The following DNAH8 variants were observed in gnomAD, a reference collection of about 807,000 sequenced individuals.
DNAH8 encodes dynein axonemal heavy chain 8.
DNAH8 carries 382 observed loss-of-function variants against 562.1 expected under a neutral mutation model. That is an observed-to-expected ratio of 0.68 (90% CI 0.63 to 0.74). The LOEUF is 0.74. Among genes scored for constraint, DNAH8 ranks in the 30% least tolerant of loss-of-function variants. The pLI is 0.00. For missense variants in DNAH8, 5,203 were observed against 5,620.4 expected (o/e 0.93, Z 2.37); for synonymous variants, 1,881 against 1,919.4 (o/e 0.98, Z 0.52).
At position 38,974,518 on chromosome 6, in the gene DNAH8, T is replaced by C; in HGVS notation, c.12823T>C (p.Ser4275Pro). The change falls in exon 85 of 93, where the codon TCC becomes CCC. Residue 4275 changes from serine to proline, a missense_variant. Ser to Pro is a moderately conservative substitution (Grantham distance 74). This residue lies in a region of DNAH8 where 1,399 missense variants were observed against 1,518.4 expected (regional missense o/e 0.92). Transcript: ENST00000327475. ...PMLYTVAFLH[S>P]TVQERRKFGP... ...GCTTTACACAGTAGCATTTTTACAC[T>C]CCACTGTGCAGGTAACTGCAGAAAG... 2 of 1,613,654 alleles carry C rather than the reference T, an allele frequency of 1.2e-6. No homozygotes were observed. The highest frequency in any genetic ancestry group is 8.5e-7 in the Non-Finnish European group (1 of 1,179,752).
chr6:38,826,404 T>G lies in DNAH8; in HGVS notation c.4083+13T>G. On this transcript the variant is annotated intron_variant, in intron 29 of 92. Transcript: ENST00000327475. ...GGGACCAATTGAAGTAAGAAATGATTGCATTTTTTTTTCTTGGAATGCTTT... is the reference window on the plus strand; with the variant it reads ...GGGACCAATTGAAGTAAGAAATGATGGCATTTTTTTTTCTTGGAATGCTTT... The G allele has an allele frequency of 1.3e-6, 2 of 1,528,668 alleles. No individual in the cohort carries two copies. Among genetic ancestry groups the G allele is most frequent in the Non-Finnish European group, 1.8e-6 (2 of 1,126,524 alleles). 94.7% of individuals were successfully genotyped at this position (1,528,668 alleles called of 1,614,324 possible). A position where few individuals can be genotyped will look rare whatever the true frequency, so the allele number is the denominator to read the frequency against.
At position 38,925,431 on chromosome 6, in the gene DNAH8, G is replaced by C. The variant is rs535554343; in HGVS notation, c.10963-624G>C. On this transcript the variant is annotated intron_variant, in intron 73 of 92. Coordinates refer to ENST00000327475, the MANE Select transcript of DNAH8 (RefSeq NM_001206927.2). ...GCTCACAGCAGCCTCAAATTCCTGGGCTCAAGTGACCCTCCCAGACTCCCA... is the reference window on the plus strand; with the variant it reads ...GCTCACAGCAGCCTCAAATTCCTGGCCTCAAGTGACCCTCCCAGACTCCCA... Among the ~76,000 whole-genome samples the C allele has an allele frequency of 2.1e-4, 32 of 151,780 alleles. No homozygotes were observed. The South Asian group carries it at 4.0e-3, about 19-fold the overall frequency.
intron 47 of DNAH8, among the ~76,000 whole-genome samples, 160 bp downstream of exon 47, chr6:38,867,036 C>A (rs1037803735): frequency 2.6e-5 from 4 of 152,060 alleles, no homozygotes; most frequent in Admixed American, 2.0e-4. Context: ...ATTTTTAAGA[C>A]CCTTTTATTT....
intron 88 of DNAH8, among the ~76,000 whole-genome samples, chr6:39,006,707 C>A (rs1050322777): frequency 6.6e-6 from 1 of 152,156 alleles, no homozygotes; most frequent in African/African-American, 2.4e-5. Context: ...TTCCAAATTG[C>A]ACAGGTAATA....
At chr6:38,813,335 G>A (rs1027959922) in intron 24 of DNAH8, among the ~76,000 whole-genome samples, 8 of 152,108 alleles carry the variant, frequency 5.3e-5, no homozygotes, top group African/African-American at 1.7e-4. Flanking sequence ...GGAACCATTG[G>A]CCCTGAGTGC....
intron 20 of DNAH8, 124 bp downstream of exon 20, chr6:38,790,529 A>G (rs1009129746): frequency 1.9e-6 from 1 of 517,326 alleles, no homozygotes; most frequent in Non-Finnish European, 3.3e-6. Context: ...TTAGGTTTAA[A>G]ATATCATGTT....
chr6:39,024,670 A>G (rs371354952), intron 91 of DNAH8, among the ~76,000 whole-genome samples: 30 of 152,290 alleles, frequency 2.0e-4, no homozygotes, highest in African/African-American at 7.2e-4. Flanking sequence ...CTAAAATAAT[A>G]AAAAAGGAAG....
rs756764956 is a variant in DNAH8, at chr6:38,898,340, A to T, written c.9023A>T (p.Asp3008Val). ...GAAATCATTAGAGGAACATCTCTTG[A>T]TCTGGTGTTTTTTAAAGATGCAATG... ...FNEIIRGTSL[D>V]LVFFKDAMTH... The change falls in exon 61 of 93, where the codon GAT becomes GTT. Residue 3008 changes from aspartate to valine, a missense_variant. By Grantham distance (152) the Asp-to-Val change is radical (BLOSUM62 -3). This residue lies in a region of DNAH8 where 977 missense variants were observed against 1,061.8 expected (regional missense o/e 0.92). Transcript: ENST00000327475. 1 of 1,586,276 alleles carries T rather than the reference A, an allele frequency of 6.3e-7. No individual in the cohort carries two copies. Among genetic ancestry groups the T allele is most frequent in the East Asian group, 2.3e-5 (1 of 43,438 alleles).
intron 88 of DNAH8, among the ~76,000 whole-genome samples, chr6:38,999,516 A>C (rs1257751823): frequency 2.0e-5 from 3 of 152,060 alleles, no homozygotes. Flanking sequence ...GCATTGATAA[A>C]ATAATAAGAA....
At chr6:38,938,285 C>G (rs951773212) in intron 78 of DNAH8, 59 bp downstream of exon 78, 3 of 1,546,770 alleles carry the variant, frequency 1.9e-6, no homozygotes, top group Non-Finnish European at 2.6e-6. Context: ...TGTATTTCTA[C>G]TCTTTTAGAA....
intron 52 of DNAH8, among the ~76,000 whole-genome samples, chr6:38,874,068 T>TTCTTTCTTTCTCTTTC (rs377254876): frequency 1.8e-5 from 1 of 57,062 alleles, no homozygotes; most frequent in Non-Finnish European, 3.5e-5. Flanking sequence ...CTTTCTTTCT[T>TTCTTTCTTTCTCTTTC]TTTCTTTCTT....
At chr6:38,765,125 T>C (rs1766878620) in intron 11 of DNAH8, among the ~76,000 whole-genome samples, 1 of 152,224 alleles carries the variant, frequency 6.6e-6, no homozygotes, top group South Asian at 2.1e-4. Flanking sequence ...CGTAAGCCAC[T>C]GCGCCTGGCC....
intron 49 of DNAH8, 145 bp from the exon 50 acceptor site, chr6:38,872,389 TAA>T: frequency 1.2e-6 from 1 of 835,898 alleles, no homozygotes; most frequent in Non-Finnish European, 1.8e-6. Context: ...GCACATCTAG[TAA>T]AACAACATTT....
intron 48 of DNAH8, among the ~76,000 whole-genome samples, chr6:38,869,041 C>A (rs547869149): frequency 6.6e-6 from 1 of 152,118 alleles, no homozygotes; most frequent in African/African-American, 2.4e-5. Flanking sequence ...TTCTACATGC[C>A]ACATATTGTG....
intron 87 of DNAH8, among the ~76,000 whole-genome samples, chr6:38,985,294 T>C (rs1485725297): frequency 2.0e-5 from 3 of 152,224 alleles, no homozygotes; most frequent in African/African-American, 7.2e-5. Context: ...AAGTAATATA[T>C]AACACCTAAG....
chr6:38,979,851 T>G (rs1275055409), intron 85 of DNAH8, among the ~76,000 whole-genome samples: 1 of 152,210 alleles, frequency 6.6e-6, no homozygotes, highest in Non-Finnish European at 1.5e-5. Flanking sequence ...AATTTAAAAA[T>G]TAAATCAAAC....
chr6:38,840,762 A>G (rs574331859), intron 33 of DNAH8, among the ~76,000 whole-genome samples: 35 of 152,266 alleles, frequency 2.3e-4, no homozygotes, highest in African/African-American at 8.2e-4. Context: ...TCTTAACTGT[A>G]TTAAATGAAA....
At chr6:38,802,228 A>G (rs1770841553) in intron 21 of DNAH8, among the ~76,000 whole-genome samples, 1 of 151,150 alleles carries the variant, frequency 6.6e-6, no homozygotes, top group African/African-American at 2.4e-5. Context: ...GAGCCACTGC[A>G]CCCGGCCCTG....
Position 38,930,823 on chromosome 6 carries a change from A to G in DNAH8, c.11275-988A>G, listed in dbSNP as rs184755793. ...CACAATCAAATTAATTAACACATCCATCACCACACATGCTGTACCTTAGAT... is the reference window on the plus strand; with the variant it reads ...CACAATCAAATTAATTAACACATCCGTCACCACACATGCTGTACCTTAGAT... On this transcript the variant is annotated intron_variant, in intron 75 of 92. Coordinates refer to ENST00000327475, the MANE Select transcript of DNAH8 (RefSeq NM_001206927.2). 2.6e-5 allele frequency among the ~76,000 whole-genome samples: 4 copies of G among 152,288 alleles called. No homozygotes were observed. In the East Asian group the frequency reaches 5.8e-4, roughly 22 times the overall value.
Sources: allele counts gnomAD v4.1 joint callset (sites outside exome capture counted in the v4.1 genomes callset), GRCh38; gene constraint gnomAD v4.1.1; regional missense constraint gnomAD v4.1.1; transcripts MANE v1.5; gene names NCBI Gene and HGNC (gene_info 2026-07-23, HGNC 2026-07-21).